The following CCR3 variants were observed in gnomAD, a reference collection of about 807,000 sequenced individuals.
CCR3 encodes the protein C-C chemokine receptor type 3.
For missense variants in CCR3, 419 were observed against 437.5 expected (o/e 0.96, Z 0.38); for synonymous variants, 203 against 179.2 (o/e 1.13, Z -1.06).
intron 1 of CCR3, among the ~76,000 whole-genome samples, chr3:46,247,261 G>A (rs566437350): frequency 6.6e-6 from 1 of 152,288 alleles, no homozygotes; most frequent in Admixed American, 6.5e-5. Context: ...ACAGAGAACA[G>A]GAGTATGACT....
At chr3:46,254,427 C>G (rs1005508442) in intron 1 of CCR3, among the ~76,000 whole-genome samples, 11 of 151,540 alleles carry the variant, frequency 7.3e-5, no homozygotes, top group Admixed American at 1.3e-4. Context: ...AGAGCACTTA[C>G]AGCATAGTTT....
intron 2 of CCR3, among the ~76,000 whole-genome samples, chr3:46,231,460 G>A (rs41338844): frequency 0.01 from 1,587 of 152,332 alleles, 25 homozygotes; most frequent in Non-Finnish European, 0.016. Flanking sequence ...AAAAGGAGCG[G>A]TTAGCTTCAA....
chr3:46,229,609 G>A (rs1328135812), intron 2 of CCR3, among the ~76,000 whole-genome samples: 2 of 152,244 alleles, frequency 1.3e-5, no homozygotes, highest in African/African-American at 2.4e-5. Context: ...CTCTGGTTGG[G>A]GGAGGTGACA....
chr3:46,243,652 T>G (rs1020383558), intron 1 of CCR3, among the ~76,000 whole-genome samples: 2 of 152,168 alleles, frequency 1.3e-5, no homozygotes, highest in African/African-American at 2.4e-5. Context: ...ATGGATGTGG[T>G]ATAAGTTGAA....
upstream of CCR3, among the ~76,000 whole-genome samples, chr3:46,238,855 T>C (rs1298535332): frequency 6.6e-6 from 1 of 152,190 alleles, no homozygotes; most frequent in Non-Finnish European, 1.5e-5. Flanking sequence ...AGATATGGCA[T>C]GATGCCATTT....
At chr3:46,215,634 T>G (rs1365131688) in intron 2 of CCR3, among the ~76,000 whole-genome samples, 1 of 152,160 alleles carries the variant, frequency 6.6e-6, no homozygotes, top group Non-Finnish European at 1.5e-5. Context: ...GAGGATCACG[T>G]TCTAGTGGGA....
chr3:46,258,645 G>C (rs995576342), intron 1 of CCR3, among the ~76,000 whole-genome samples: 7 of 152,050 alleles, frequency 4.6e-5, no homozygotes, highest in Admixed American at 1.3e-4. Flanking sequence ...ACATTTATAG[G>C]TCACAAACTA....
intron 1 of CCR3, among the ~76,000 whole-genome samples, chr3:46,246,705 C>T (rs1700197869): frequency 6.6e-6 from 1 of 152,074 alleles, no homozygotes; most frequent in South Asian, 2.1e-4. Flanking sequence ...GATAGCTTGG[C>T]TTGGGCTCAG....
intron 1 of CCR3, among the ~76,000 whole-genome samples, chr3:46,251,933 G>A (rs187054549): frequency 6.6e-6 from 1 of 152,082 alleles, no homozygotes; most frequent in African/African-American, 2.4e-5. Flanking sequence ...TTTTGTGGTG[G>A]AGTGTCATCA....
At chr3:46,221,505 A>G (rs1339463526) in intron 2 of CCR3, among the ~76,000 whole-genome samples, 5 of 152,106 alleles carry the variant, frequency 3.3e-5, no homozygotes, top group South Asian at 2.1e-4. Context: ...CCGCAGCCCA[A>G]TCCTTCACAA....
Position 46,266,198 on chromosome 3 carries a change from C to G in CCR3, c.1040C>G (p.Ala347Gly). The G allele has an allele frequency of 6.2e-7, 1 of 1,613,140 alleles. No individual in the cohort carries two copies. Among genetic ancestry groups the G allele is most frequent in the Non-Finnish European group, 8.5e-7 (1 of 1,179,288 alleles). ...ACCAGCTCTGTCTCTCCATCCACAGCAGAGCCGGAACTCTCTATTGTGTTT... is the reference window on the plus strand; with the variant it reads ...ACCAGCTCTGTCTCTCCATCCACAGGAGAGCCGGAACTCTCTATTGTGTTT... ...ERTSSVSPST[A>G]EPELSIVF Residue 347 changes from alanine to glycine, a missense_variant, in exon 2 of 2, where the codon GCA (alanine) becomes GGA (glycine). Transcript: ENST00000395940.
chr3:46,214,036 A>T (rs190264140), intron 2 of CCR3, among the ~76,000 whole-genome samples: 1 of 152,342 alleles, frequency 6.6e-6, no homozygotes, highest in African/African-American at 2.4e-5. Flanking sequence ...GGCCAGAGAA[A>T]ATCACACAAC....
intron 2 of CCR3, among the ~76,000 whole-genome samples, chr3:46,236,862 T>G (rs1018337986): frequency 2.0e-5 from 3 of 152,092 alleles, no homozygotes; most frequent in Non-Finnish European, 4.4e-5. Context: ...GGGGAGTGGG[T>G]GTGAGGCCAG....
At chr3:46,243,002 TACGCACAC>T (rs1700121349) in intron 1 of CCR3, among the ~76,000 whole-genome samples, 24 of 123,670 alleles carry the variant, frequency 1.9e-4, no homozygotes, top group Admixed American at 8.1e-4. Flanking sequence ...TATATATATA[TACGCACAC>T]ACACATACAT....
intron 2 of CCR3, among the ~76,000 whole-genome samples, chr3:46,226,085 A>G (rs1321589839): frequency 1.3e-5 from 2 of 152,238 alleles, no homozygotes; most frequent in Non-Finnish European, 2.9e-5. Context: ...CTGTAGCTAT[A>G]TAATACGTCA....
chr3:46,232,249 G>C (rs1699973099), intron 2 of CCR3, among the ~76,000 whole-genome samples: 1 of 152,170 alleles, frequency 6.6e-6, no homozygotes, highest in Non-Finnish European at 1.5e-5. Flanking sequence ...GGAATATGTT[G>C]AAGCTAATTT....
intron 2 of CCR3, among the ~76,000 whole-genome samples, chr3:46,230,104 A>G (rs779389115): frequency 6.6e-6 from 1 of 152,302 alleles, no homozygotes; most frequent in Non-Finnish European, 1.5e-5. Context: ...AGGTGCAAGC[A>G]GCTGGAAGCA....
chr3:46,237,653 A>G (rs2125926091), upstream of CCR3, among the ~76,000 whole-genome samples: 1 of 152,302 alleles, frequency 6.6e-6, no homozygotes, highest in East Asian at 1.9e-4. Context: ...GTGGCTATTC[A>G]GTTTTCCCAG....
At chr3:46,223,891 T>C (rs1575487453) in intron 2 of CCR3, among the ~76,000 whole-genome samples, 1 of 151,936 alleles carries the variant, frequency 6.6e-6, no homozygotes, top group African/African-American at 2.4e-5. Flanking sequence ...CTTGAGCAGG[T>C]TCAGAAACAT....
Sources: gnomAD v4.1 joint callset for allele counts (sites outside exome capture counted in the v4.1 genomes callset) on GRCh38, gnomAD v4.1.1 for gene constraint, MANE v1.5 for transcripts, NCBI Gene and HGNC (gene_info 2026-07-23, HGNC 2026-07-21) for gene names.